C8orf34: variants seen among roughly 807,000 people sequenced by gnomAD.
C8orf34 encodes the protein chromosome 8 open reading frame 34, also known as uncharacterized protein C8orf34.
In C8orf34, 65 loss-of-function variants were observed where a neutral mutation model predicts 68.3. The ratio of observed to expected loss-of-function variants is 0.95; its 90% CI spans 0.78 to 1.17. The LOEUF (loss-of-function observed/expected upper bound fraction) is 1.17. Among genes scored for constraint, C8orf34 ranks in the 50% most tolerant of loss-of-function variants. The pLI is 0.00. For synonymous variants in C8orf34, 244 were observed against 241.2 expected (o/e 1.01, Z -0.11); for missense variants, 664 against 655.4 (o/e 1.01, Z -0.14).
intron 7 of C8orf34, among the ~76,000 whole-genome samples, chr8:68,637,759 C>T (rs1041286796): frequency 1.3e-5 from 2 of 152,050 alleles, no homozygotes; most frequent in African/African-American, 4.8e-5. Flanking sequence ...CTAGCAAAAT[C>T]GCAGGTTGAT....
At chr8:68,587,016 A>C (rs1406326747) in intron 7 of C8orf34, among the ~76,000 whole-genome samples, 1 of 152,110 alleles carries the variant, frequency 6.6e-6, no homozygotes, top group East Asian at 1.9e-4. Flanking sequence ...CTACAGAAAA[A>C]GTTTACAGCC....
intron 10 of C8orf34, among the ~76,000 whole-genome samples, chr8:68,731,930 C>T (rs1034023361): frequency 7.9e-5 from 12 of 152,362 alleles, no homozygotes; most frequent in Middle Eastern, 3.4e-3. Context: ...GGGACCTCAG[C>T]GTTCCAGTCC....
chr8:68,488,046 G>T lies in C8orf34; in HGVS notation c.760G>T (p.Asp254Tyr). 1.9e-6 allele frequency: 3 copies of T among 1,589,976 alleles called. No homozygotes were observed. The South Asian group carries it at 3.5e-5, about 18-fold the overall frequency. The change falls in exon 5 of 14, where the codon GAT becomes TAT. Residue 254 changes from aspartate to tyrosine, a missense_variant. Transcript: ENST00000518698. ...SRSIAISDELDKETVTFNSSL... is the reference protein window; with the variant it reads ...SRSIAISDELYKETVTFNSSL... ...AGGTATTGCAATTTCAGATGAACTC[G>T]ATAAGGTAAGTTGAACTATACATCT...
intron 1 of C8orf34, among the ~76,000 whole-genome samples, chr8:68,416,807 A>G (rs910455079): frequency 2.0e-5 from 3 of 152,182 alleles, no homozygotes; most frequent in Admixed American, 6.6e-5. Flanking sequence ...CTGGGATTAC[A>G]GGCATGATGC....
chr8:68,582,983 CT>C (rs1817110463), intron 7 of C8orf34, among the ~76,000 whole-genome samples: 1 of 152,032 alleles, frequency 6.6e-6, no homozygotes, highest in South Asian at 2.1e-4. Context: ...TAATTTCATC[CT>C]TCTTTTCTTC....
chr8:68,679,298 A>G (rs535209634), intron 8 of C8orf34, among the ~76,000 whole-genome samples: 1 of 152,206 alleles, frequency 6.6e-6, no homozygotes, highest in East Asian at 1.9e-4. Flanking sequence ...AAACAAAACA[A>G]AACAAAAACA....
chr8:68,543,958 G>A (rs1020767807), intron 7 of C8orf34, among the ~76,000 whole-genome samples: 12 of 152,076 alleles, frequency 7.9e-5, no homozygotes, highest in African/African-American at 1.7e-4. Context: ...GTTTCACCCC[G>A]GCTTTCCTCA....
chr8:68,367,681 T>C (rs1423957045), intron 1 of C8orf34, among the ~76,000 whole-genome samples: 37 of 140,506 alleles, frequency 2.6e-4, no homozygotes, highest in Non-Finnish European at 4.4e-4. Context: ...TTCTCACTCA[T>C]AGGTGGGAAT....
intron 12 of C8orf34, among the ~76,000 whole-genome samples, chr8:68,805,397 A>G (rs1824453097): frequency 6.6e-6 from 1 of 152,114 alleles, no homozygotes; most frequent in South Asian, 2.1e-4. Context: ...TTCTTACTGT[A>G]TGTTTTGGGG....
In C8orf34 at chr8:68,815,869, T is replaced by G. The variant is rs940225944; in HGVS notation, c.1550-17T>G. 2.5e-6 allele frequency: 4 copies of G among 1,613,678 alleles called. No individual in the cohort carries two copies. The highest frequency in any genetic ancestry group is 3.4e-6 in the Non-Finnish European group (4 of 1,179,650). On this transcript the variant is annotated splice_polypyrimidine_tract_variant and intron_variant, in intron 12 of 13. Coordinates refer to ENST00000518698, the MANE Select transcript of C8orf34 (RefSeq NM_052958.4). Reference sequence around the variant, plus strand: ...TTCCTGGCCTGGCATATTATCTCTGTTTCTTTTGTTGTGCAGGTTCCGCTG... The same window carrying G: ...TTCCTGGCCTGGCATATTATCTCTGGTTCTTTTGTTGTGCAGGTTCCGCTG...
intron 8 of C8orf34, among the ~76,000 whole-genome samples, chr8:68,655,313 T>G (rs2130792030): frequency 6.6e-6 from 1 of 152,314 alleles, no homozygotes; most frequent in East Asian, 1.9e-4. Flanking sequence ...TATAACTATT[T>G]TTTAAAATTA....
chr8:68,651,337 C>T (rs914900748), intron 8 of C8orf34, among the ~76,000 whole-genome samples: 25 of 152,204 alleles, frequency 1.6e-4, no homozygotes, highest in Admixed American at 1.0e-3. Context: ...TACTAGTCCA[C>T]TGGGTTTCCA....
At chr8:68,794,506 T>TATATATATATATATATATATATATATACA (rs58048066) in intron 12 of C8orf34, among the ~76,000 whole-genome samples, 15 of 58,960 alleles carry the variant, frequency 2.5e-4, no homozygotes, top group Admixed American at 3.6e-4. Context: ...TATATATATA[T>TATATATATATATATATATATATATATACA]TTTTTTTTTT....
chr8:68,441,906 C>T (rs190830576), intron 2 of C8orf34, among the ~76,000 whole-genome samples: 4 of 152,140 alleles, frequency 2.6e-5, no homozygotes, highest in Admixed American at 6.5e-5. Flanking sequence ...TCTCTTAGTA[C>T]CTATTGATGA....
rs535223490 is a variant in C8orf34, at chr8:68,584,317, G to A, written c.1105+51168G>A. 2.6e-5 allele frequency among the ~76,000 whole-genome samples: 4 copies of A among 152,136 alleles called. No individual in the cohort carries two copies. In the South Asian group the frequency reaches 8.3e-4, roughly 32 times the overall value. On this transcript the variant is annotated intron_variant, in intron 7 of 13. Transcript: ENST00000518698. ...TCTCTGAGAAAAAAAAAGTTGGATGGAACCTGATCAAAGAATGACTATAAA... is the reference window on the plus strand; with the variant it reads ...TCTCTGAGAAAAAAAAAGTTGGATGAAACCTGATCAAAGAATGACTATAAA...
At chr8:68,787,865 T>A (rs1329748891) in intron 12 of C8orf34, among the ~76,000 whole-genome samples, 1 of 152,206 alleles carries the variant, frequency 6.6e-6, no homozygotes, top group African/African-American at 2.4e-5. Flanking sequence ...ATTTTCAAAA[T>A]TTCAAAGTAT....
At chr8:68,350,548 A>G (rs1172446504) in intron 1 of C8orf34, among the ~76,000 whole-genome samples, 2 of 151,954 alleles carry the variant, frequency 1.3e-5, no homozygotes, top group East Asian at 1.9e-4. Flanking sequence ...GTCTCCCACT[A>G]TTATTGTGTG....
intron 5 of C8orf34, among the ~76,000 whole-genome samples, chr8:68,517,786 C>T (rs1814582499): frequency 6.6e-6 from 1 of 152,124 alleles, no homozygotes; most frequent in Non-Finnish European, 1.5e-5. Context: ...TTTCTTTGTT[C>T]ATTTCTTTGT....
intron 10 of C8orf34, among the ~76,000 whole-genome samples, chr8:68,729,044 C>T (rs1451003269): frequency 2.0e-5 from 3 of 152,160 alleles, no homozygotes; most frequent in Non-Finnish European, 4.4e-5. Flanking sequence ...CTTTTCACAA[C>T]TATAATTGGA....
Sources: gnomAD v4.1 joint callset for allele counts (sites outside exome capture counted in the v4.1 genomes callset) on GRCh38, gnomAD v4.1.1 for gene constraint, MANE v1.5 for transcripts, NCBI Gene and HGNC (gene_info 2026-07-23, HGNC 2026-07-21) for gene names.